WDR18: variants seen among roughly 807,000 people sequenced by gnomAD.
The protein encoded by WDR18 is WD repeat-containing protein 18.
Under a neutral mutation model 49.6 loss-of-function variants are expected in WDR18, and 33 were observed. That is an observed-to-expected ratio of 0.67 (90% CI 0.50 to 0.89). The LOEUF (loss-of-function observed/expected upper bound fraction) is 0.89, where lower values mean the gene tolerates loss of function less well. WDR18 is among the 40% of genes least tolerant of loss of function. WDR18 has a pLI of 0.00. For missense variants in WDR18, 653 were observed against 593.6 expected, an observed-to-expected ratio of 1.10 and a Z score of -1.04; for synonymous variants, 315 against 263.6, an observed-to-expected ratio of 1.19 and a Z score of -1.89.
Position 991,323 on chromosome 19 carries a change from G to A in WDR18, c.903G>A (p.Lys301=). Residue 301 remains lysine (K), a synonymous_variant, in exon 7 of 10, where the codon AAG becomes AAA. Transcript: ENST00000585809. ...TGCGCCTCTGGGACGTGCAGAGCAA[G>A]CAGTGCATCCGGACGGTGGCCCTCA... ...ETVRLWDVQS[K]QCIRTVALKG... is the part of the protein sequence containing the mutation. The A allele has an allele frequency of 1.3e-6, 2 of 1,558,662 alleles. No individual in the cohort carries two copies. Among genetic ancestry groups the A allele is most frequent in the East Asian group, 2.4e-5 (1 of 41,648 alleles).
Position 992,067 on chromosome 19 carries a change from C to CCTGCTGGGCGCCTGCTG in WDR18, c.1044_1045insCTGCTGGGCGCCTGCTG (p.Gly349LeufsTer60). The CCTGCTGGGCGCCTGCTG allele has an allele frequency of 6.4e-7, 1 of 1,559,974 alleles. No individual in the cohort carries two copies. Among genetic ancestry groups the CCTGCTGGGCGCCTGCTG allele is most frequent in the East Asian group, 2.4e-5 (1 of 41,034 alleles). On this transcript the variant is annotated frameshift_variant, in exon 8 of 10. Transcript: ENST00000585809. LOFTEE classifies it high-confidence loss of function. ...ACAAGCACCTGCTGGGCGCCGAGCACGGGGACGAGCCGCGCCACGGGGGCC... is the reference window on the plus strand; with the variant it reads ...ACAAGCACCTGCTGGGCGCCGAGCACCTGCTGGGCGCCTGCTGGGGGACGAGCCGCGCCACGGGGGCC...
rs80201716 is a variant in WDR18, at chr19:985,991, C to T, written c.321+16C>T. 3,883 of 1,610,392 alleles carry T rather than the reference C, an allele frequency of 2.4e-3. 76 individuals are homozygous for T. In the African/African-American group the frequency reaches 0.045, roughly 19 times the overall value. Reference sequence around the variant, plus strand: ...CCTGTGGGAGGTAAGAGGAGCAAAGCGTGAGCGTTTCCCACAGGACATCTC... The same window carrying T: ...CCTGTGGGAGGTAAGAGGAGCAAAGTGTGAGCGTTTCCCACAGGACATCTC... On this transcript the variant is annotated intron_variant, in intron 2 of 9. Coordinates refer to ENST00000585809, the MANE Select transcript of WDR18 (RefSeq NM_024100.4).
rs1255118338 is a variant in WDR18, at chr19:990,838, T to C, written c.598-14T>C. 3.1e-6 allele frequency: 5 copies of C among 1,592,348 alleles called. No individual in the cohort carries two copies. The African/African-American group carries it at 4.0e-5, about 13-fold the overall frequency. On this transcript the variant is annotated splice_polypyrimidine_tract_variant and intron_variant, in intron 4 of 9. Coordinates refer to ENST00000585809, the MANE Select transcript of WDR18 (RefSeq NM_024100.4). ...CCTGCCGGGCCGAGCCCCACGCCCT[T>C]TGCCCACCCGCAGCTATGGGAGGTC...
chr19:984,510 C>T lies in WDR18; in HGVS notation c.157C>T (p.Leu53=), dbSNP rs557836888. The T allele has an allele frequency of 6.5e-7, 1 of 1,547,846 alleles. No individual in the cohort carries two copies. The change falls in exon 1 of 10, where the codon CTG becomes TTG. Residue 53 remains leucine, a synonymous_variant. Coordinates refer to ENST00000585809, the MANE Select transcript of WDR18 (RefSeq NM_024100.4). ...GGCGCTGCTCAATGGCGAGTATCTGCTGGCGGCGCAGCTGGGCAAGAATTA... is the reference window on the plus strand; with the variant it reads ...GGCGCTGCTCAATGGCGAGTATCTGTTGGCGGCGCAGCTGGGCAAGAATTA... ...GLALLNGEYL[L]AAQLGKNYIS...
chr19:990,447 C>G, intron 4 of WDR18, 83 bp downstream of exon 4: 1 of 1,426,178 alleles, frequency 7.0e-7, no homozygotes, highest in African/African-American at 1.5e-5. Flanking sequence ...GAATCGCCTC[C>G]TCCCGCTCCC....
rs969723527 is a variant in WDR18 at position 990,362 on chromosome 19, A to C, written c.595A>C (p.Lys199Gln). ...CACCTCCTCACTGGACCAGACGGTGAAGGTACGCCGCCCCCACCCCACCAC... is the reference window on the plus strand; with the variant it reads ...CACCTCCTCACTGGACCAGACGGTGCAGGTACGCCGCCCCCACCCCACCAC... ...VATSSLDQTVKLWEVSSGELL... is the reference protein window; with the variant it reads ...VATSSLDQTVQLWEVSSGELL... The change falls in exon 4 of 10, where the codon AAG (lysine) becomes CAG (glutamine). Residue 199 changes from lysine (K) to glutamine (Q), a missense_variant and splice_region_variant. Coordinates refer to ENST00000585809, the MANE Select transcript of WDR18 (RefSeq NM_024100.4). The C allele has an allele frequency of 3.9e-5, 61 of 1,555,282 alleles. No individual in the cohort carries two copies. The highest frequency in any genetic ancestry group is 5.2e-5 in the Non-Finnish European group (60 of 1,157,794).
chr19:990,805 G>A (rs112824704), intron 4 of WDR18, 47 bp from the exon 5 acceptor site: 4 of 1,552,422 alleles, frequency 2.6e-6, no homozygotes, highest in Admixed American at 1.9e-5. Flanking sequence ...TGGGGTCCTC[G>A]GGTTCCCCCT....
chr19:989,538 G>A (rs553784162), intron 2 of WDR18, among the ~76,000 whole-genome samples: 4 of 152,288 alleles, frequency 2.6e-5, no homozygotes, highest in East Asian at 1.9e-4. Context: ...AGGTGGGGAC[G>A]AGGCGGGAAC....
intron 8 of WDR18, among the ~76,000 whole-genome samples, chr19:993,068 C>T (rs1401532814): frequency 6.6e-6 from 1 of 152,218 alleles, no homozygotes; most frequent in Admixed American, 6.5e-5. Context: ...GGCGGGCAGG[C>T]AGGGGACCGC....
chr19:989,137 A>G (rs1257419890), intron 2 of WDR18, among the ~76,000 whole-genome samples: 1 of 58,360 alleles, frequency 1.7e-5, no homozygotes, highest in African/African-American at 6.5e-5. Context: ...CCCCAAGAGC[A>G]TCTCAGTCCT....
chr19:988,932 C>G (rs2038504427), intron 2 of WDR18, among the ~76,000 whole-genome samples: 2 of 152,026 alleles, frequency 1.3e-5, no homozygotes, highest in African/African-American at 4.8e-5. Context: ...TTCACAGGTC[C>G]CAGGTCGGGA....
chr19:990,581 C>A, intron 4 of WDR18: 2 of 857,626 alleles, frequency 2.3e-6, no homozygotes, highest in Non-Finnish European at 1.7e-6. Context: ...CCTGGCCAAG[C>A]CTGGGGAATC....
chr19:987,806 C>T (rs1462163314), intron 2 of WDR18, among the ~76,000 whole-genome samples: 1 of 148,884 alleles, frequency 6.7e-6, no homozygotes, highest in East Asian at 2.0e-4. Context: ...ACTGCCAGAC[C>T]CCTGCTCCCC....
rs55712007 is a variant in WDR18, at chr19:984,386, G to T, written c.33G>T (p.Thr11=). The change falls in exon 1 of 10, where the codon ACG becomes ACT. Residue 11 remains threonine (T), a synonymous_variant. Transcript: ENST00000585809. The part of the protein sequence containing the change: MAAPMEVAVC[T]DSAAPMWSCI... ...CGCCCATGGAGGTGGCCGTGTGTAC[G>T]GACTCGGCGGCCCCGATGTGGAGCT... The T allele has an allele frequency of 1.9e-6, 3 of 1,599,976 alleles. No individual in the cohort carries two copies. The highest frequency in any genetic ancestry group is 2.6e-6 in the Non-Finnish European group (3 of 1,175,078).
At chr19:984,604 C>T in intron 1 of WDR18, 41 bp downstream of exon 1, 1 of 1,374,922 alleles carries the variant, frequency 7.3e-7, no homozygotes, top group South Asian at 1.6e-5. Context: ...ATGGGGCGCC[C>T]GAGGCTGAAG....
upstream of WDR18, among the ~76,000 whole-genome samples, chr19:983,720 C>G (rs1010795688): frequency 6.6e-6 from 1 of 151,906 alleles, no homozygotes. Flanking sequence ...AAAGAGGGGT[C>G]AAGGGGGAGG....
intron 3 of WDR18, 98 bp downstream of exon 3, chr19:989,993 T>C: frequency 1.3e-6 from 2 of 1,503,418 alleles, no homozygotes; most frequent in South Asian, 1.3e-5. Flanking sequence ...GGCTTCTCTC[T>C]TGGGGGCTGG....
intron 7 of WDR18, 33 bp downstream of exon 7, chr19:991,384 G>T (rs751548312): frequency 9.9e-6 from 15 of 1,519,238 alleles, no homozygotes; most frequent in Admixed American, 4.2e-5. Flanking sequence ...CGCGGCCAGC[G>T]CGCAGGGGAA....
intron 2 of WDR18, among the ~76,000 whole-genome samples, chr19:986,405 G>T (rs1302704121): frequency 6.6e-6 from 1 of 152,052 alleles, no homozygotes; most frequent in Non-Finnish European, 1.5e-5. Context: ...GAGTAGCTGG[G>T]ATTCCAGGCG....
Sources: gnomAD v4.1 joint callset for allele counts (sites outside exome capture counted in the v4.1 genomes callset) on GRCh38, gnomAD v4.1.1 for gene constraint, MANE v1.5 for transcripts, NCBI Gene and HGNC (gene_info 2026-07-23, HGNC 2026-07-21) for gene names.